Variants in GRM7 observed in about 807,000 individuals in gnomAD.
GRM7 encodes metabotropic glutamate receptor 7.
Under a neutral mutation model 84.5 loss-of-function variants are expected in GRM7, and 35 were observed. That is an observed-to-expected ratio of 0.41 (90% CI 0.32 to 0.55). The LOEUF is 0.55. Ranked by LOEUF, GRM7 falls within the 20% of genes least tolerant of loss-of-function variation. The pLI is 0.19. For missense variants in GRM7, 1,003 were observed against 1,194.6 expected (o/e 0.84, Z 2.36); for synonymous variants, 487 against 455.1 (o/e 1.07, Z -0.89).
chr3:7,180,078 C>T (rs1325975936), intron 2 of GRM7, among the ~76,000 whole-genome samples: 1 of 152,138 alleles, frequency 6.6e-6, no homozygotes, highest in Non-Finnish European at 1.5e-5. Context: ...TAGCATCTGA[C>T]TTTCACAGAA....
At chr3:7,682,367 A>G (rs1700409555) in intron 9 of GRM7, 1 of 152,120 alleles carries the variant, frequency 6.6e-6, no homozygotes, top group Non-Finnish European at 1.5e-5. Context: ...GAAAAAGAAA[A>G]AAAAGAGAAG....
At chr3:7,542,641 G>T (rs1231480069) in intron 7 of GRM7, among the ~76,000 whole-genome samples, 2 of 150,126 alleles carry the variant, frequency 1.3e-5, no homozygotes, top group African/African-American at 4.9e-5. Flanking sequence ...TTCACCTCCC[G>T]GGTTCAAGCG....
chr3:7,291,116 T>C (rs897632366), intron 2 of GRM7, among the ~76,000 whole-genome samples: 10 of 152,050 alleles, frequency 6.6e-5, no homozygotes, highest in African/African-American at 2.4e-4. Context: ...CTTGGGACTC[T>C]TTAGCTTTGT....
intron 1 of GRM7, among the ~76,000 whole-genome samples, chr3:6,902,890 C>G (rs1320762285): frequency 1.3e-5 from 2 of 151,100 alleles, no homozygotes; most frequent in Non-Finnish European, 3.0e-5. Context: ...CACCCCTACT[C>G]TAGAGAATGG....
At chr3:7,536,844 T>C (rs779746) in intron 7 of GRM7, among the ~76,000 whole-genome samples, 75,474 of 152,066 alleles carry the variant, frequency 0.5, 19,684 homozygotes, top group African/African-American at 0.66. Flanking sequence ...TAGAATCATT[T>C]GACTATGTTT....
At chr3:7,004,082 C>G (rs1233638378) in intron 1 of GRM7, among the ~76,000 whole-genome samples, 1 of 152,112 alleles carries the variant, frequency 6.6e-6, no homozygotes, top group Admixed American at 6.5e-5. Context: ...TAAGTGATCC[C>G]AAAGGGCTCA....
intron 4 of GRM7, among the ~76,000 whole-genome samples, chr3:7,314,816 CTATT>C (rs1296803880): frequency 6.6e-6 from 1 of 151,974 alleles, no homozygotes; most frequent in African/African-American, 2.4e-5. Flanking sequence ...CCATATCTTC[CTATT>C]TATTTGTATT....
intron 2 of GRM7, among the ~76,000 whole-genome samples, chr3:7,165,566 T>C (rs943075343): frequency 6.6e-6 from 1 of 152,230 alleles, no homozygotes; most frequent in African/African-American, 2.4e-5. Context: ...AATGTAACAT[T>C]GGTATTGCCA....
chr3:6,967,975 T>G (rs1234940294), intron 1 of GRM7, among the ~76,000 whole-genome samples: 1 of 152,214 alleles, frequency 6.6e-6, no homozygotes, highest in Non-Finnish European at 1.5e-5. Flanking sequence ...GTTGAGAGTT[T>G]AGTAGCTGTG....
intron 7 of GRM7, among the ~76,000 whole-genome samples, chr3:7,494,238 C>T (rs772919409): frequency 7.9e-5 from 12 of 152,008 alleles, no homozygotes; most frequent in Non-Finnish European, 1.2e-4. Context: ...AGGGTAGTTG[C>T]GCTGGATATA....
intron 1 of GRM7, among the ~76,000 whole-genome samples, chr3:6,873,477 C>G (rs1051903845): frequency 1.3e-5 from 2 of 152,130 alleles, no homozygotes; most frequent in Non-Finnish European, 2.9e-5. Flanking sequence ...ACCATGTGAG[C>G]TTCAGCAATT....
chr3:7,097,285 C>CAGAAAATG (rs1490793284), intron 1 of GRM7, among the ~76,000 whole-genome samples: 3 of 152,154 alleles, frequency 2.0e-5, no homozygotes, highest in African/African-American at 7.2e-5. Flanking sequence ...ATGAGACAAC[C>CAGAAAATG]AGAAAATGGC....
intron 7 of GRM7, among the ~76,000 whole-genome samples, chr3:7,551,162 CTG>C (rs1693451660): frequency 6.6e-6 from 1 of 152,126 alleles, no homozygotes. Flanking sequence ...ATAGCACACA[CTG>C]TGGAAAATAG....
At chr3:7,081,396 C>T (rs1322041462) in intron 1 of GRM7, among the ~76,000 whole-genome samples, 4 of 152,040 alleles carry the variant, frequency 2.6e-5, no homozygotes, top group South Asian at 4.1e-4. Flanking sequence ...TATTGTGGGG[C>T]ACCACAAACA....
intron 4 of GRM7, among the ~76,000 whole-genome samples, chr3:7,327,061 G>A (rs886910766): frequency 1.3e-5 from 2 of 152,180 alleles, no homozygotes; most frequent in Non-Finnish European, 1.5e-5. Flanking sequence ...CACATAACAG[G>A]TGCTCGAAGA....
At chr3:7,368,939 ACCTATTTGATC>A (rs1380184359) in intron 4 of GRM7, among the ~76,000 whole-genome samples, 2 of 151,926 alleles carry the variant, frequency 1.3e-5, no homozygotes, top group East Asian at 3.9e-4. Flanking sequence ...CTCTAAATCC[ACCTATTTGATC>A]CCATTACTTT....
At chr3:7,710,904 C>T (rs989502614) in intron 9 of GRM7, among the ~76,000 whole-genome samples, 5 of 152,204 alleles carry the variant, frequency 3.3e-5, no homozygotes, top group Non-Finnish European at 5.9e-5. Context: ...CTGTCTCAAC[C>T]TCACGTTGCC....
At chr3:6,938,040 T>TC (rs1295837960) in intron 1 of GRM7, among the ~76,000 whole-genome samples, 2 of 152,342 alleles carry the variant, frequency 1.3e-5, no homozygotes, top group South Asian at 4.1e-4. Flanking sequence ...ACCCATCTGT[T>TC]CAGCCAGTGC....
At chr3:7,358,043 CCT>C (rs1235694383) in intron 4 of GRM7, among the ~76,000 whole-genome samples, 4 of 152,044 alleles carry the variant, frequency 2.6e-5, no homozygotes, top group African/African-American at 7.2e-5. Flanking sequence ...CCTCTCATCC[CCT>C]CTTTTCCTCC....
Sources: gnomAD v4.1 joint callset for allele counts (sites outside exome capture counted in the v4.1 genomes callset) on GRCh38, gnomAD v4.1.1 for gene constraint, MANE v1.5 for transcripts, NCBI Gene and HGNC (gene_info 2026-07-23, HGNC 2026-07-21) for gene names.